The following FAM135B variants were observed in gnomAD, a reference collection of about 807,000 sequenced individuals.
FAM135B encodes family with sequence similarity 135 member B.
FAM135B carries 43 observed loss-of-function variants against 127.7 expected under a neutral mutation model. The ratio of observed to expected loss-of-function variants is 0.34; its 90% CI spans 0.26 to 0.43. FAM135B has a LOEUF of 0.43. Ranked by LOEUF, FAM135B falls within the 20% of genes least tolerant of loss-of-function variation. The pLI, the probability that FAM135B is intolerant of heterozygous loss-of-function variation, is 1.00. For synonymous variants in FAM135B, 670 were observed against 665.1 expected (o/e 1.01, Z -0.11); for missense variants, 1,558 against 1,725.6 (o/e 0.90, Z 1.72).
rs1033867791 is a variant in FAM135B at position 138,367,898 on chromosome 8, C to T, written c.77+9G>A. 6.3e-7 allele frequency: 1 copy of T among 1,586,514 alleles called. No homozygotes were observed. The highest frequency in any genetic ancestry group is 8.6e-7 in the Non-Finnish European group (1 of 1,157,092). Reference sequence around the variant, plus strand: ...ACACACACACACACAAATTGTAAAGCATACTTACCCTCTCTGAAAGAGATC... The same window carrying T: ...ACACACACACACACAAATTGTAAAGTATACTTACCCTCTCTGAAAGAGATC... On this transcript the variant is annotated intron_variant, in intron 2 of 19. Coordinates refer to ENST00000395297, the MANE Select transcript of FAM135B (RefSeq NM_015912.4).
chr8:138,256,919 T>C (rs1274510883), intron 4 of FAM135B, among the ~76,000 whole-genome samples, 160 bp from the exon 5 acceptor site: 3 of 152,232 alleles, frequency 2.0e-5, no homozygotes, highest in Non-Finnish European at 4.4e-5. Flanking sequence ...CATGGAGTTC[T>C]GGGTGAACAG....
At chr8:138,266,450 TAA>T (rs1822929293) in intron 3 of FAM135B, among the ~76,000 whole-genome samples, 1 of 152,028 alleles carries the variant, frequency 6.6e-6, no homozygotes, top group African/African-American at 2.4e-5. Context: ...ACTTCAAAGT[TAA>T]GTTATATTTC....
chr8:138,444,548 A>T (rs1253273775), intron 1 of FAM135B, among the ~76,000 whole-genome samples: 1 of 152,212 alleles, frequency 6.6e-6, no homozygotes, highest in Admixed American at 6.5e-5. Context: ...CTCCTGAATG[A>T]CTACTGGGTA....
chr8:138,137,889 C>T (rs1032268150), intron 18 of FAM135B, among the ~76,000 whole-genome samples: 5 of 152,282 alleles, frequency 3.3e-5, no homozygotes, highest in Non-Finnish European at 5.9e-5. Context: ...GCAGACTACC[C>T]GGACACTCCA....
At chr8:138,490,466 G>A (rs1330078832) in intron 1 of FAM135B, among the ~76,000 whole-genome samples, 1 of 152,180 alleles carries the variant, frequency 6.6e-6, no homozygotes, top group Non-Finnish European at 1.5e-5. Context: ...ATGCCTGGTT[G>A]GGAGAACAGA....
In FAM135B at chr8:138,496,798, T is replaced by A. The variant is rs1012804440; in HGVS notation, c.-147A>T. The A allele has an allele frequency of 6.6e-6, 1 of 150,930 alleles. No homozygotes were observed. Among genetic ancestry groups the A allele is most frequent in the Non-Finnish European group, 1.5e-5 (1 of 68,178 alleles). The allele number at this position is 150,930 out of a possible 1,614,324, so 9.3% of individuals were successfully genotyped here. A position where few individuals can be genotyped will look rare whatever the true frequency, so the allele number is the denominator to read the frequency against. On this transcript the variant is annotated 5_prime_UTR_variant, in exon 1 of 20. Coordinates refer to ENST00000395297, the MANE Select transcript of FAM135B (RefSeq NM_015912.4). Reference sequence around the variant, plus strand: ...CGGCGGCGGCGGGCGGACTGGGGAGTCCGCAGCACCTGCGAGCTGGTGTTG... The same window carrying A: ...CGGCGGCGGCGGGCGGACTGGGGAGACCGCAGCACCTGCGAGCTGGTGTTG...
intron 4 of FAM135B, among the ~76,000 whole-genome samples, chr8:138,259,804 GA>G (rs1224192694): frequency 6.6e-6 from 1 of 152,062 alleles, no homozygotes; most frequent in Non-Finnish European, 1.5e-5. Flanking sequence ...AGGTATTCCA[GA>G]CAAAAAAATC....
In FAM135B at chr8:138,242,331, G is replaced by A. The variant is rs6987434; in HGVS notation, c.669+611C>T. On this transcript the variant is annotated intron_variant, in intron 7 of 19. Coordinates refer to ENST00000395297, the MANE Select transcript of FAM135B (RefSeq NM_015912.4). This position sits in a 1 kb window ranked among gnomAD's most constrained non-coding sequence, Gnocchi z 9.6. ...GCATATACTGGCTTGGGAGAAATAT[G>A]AGCAGAATCATACCCTGTGTGGTTA... Among the ~76,000 whole-genome samples the A allele has an allele frequency of 0.19, 28,713 of 151,682 alleles. 2,815 individuals carry two copies. The highest frequency in any genetic ancestry group is 0.33 in the East Asian group (1,698 of 5,132).
At chr8:138,344,069 A>G (rs1829236295) in intron 2 of FAM135B, among the ~76,000 whole-genome samples, 1 of 152,192 alleles carries the variant, frequency 6.6e-6, no homozygotes, top group South Asian at 2.1e-4. Context: ...AGGGAGAGGC[A>G]GTGACAGGCA....
intron 2 of FAM135B, among the ~76,000 whole-genome samples, chr8:138,362,397 G>A (rs776891919): frequency 1.3e-5 from 2 of 151,130 alleles, no homozygotes; most frequent in South Asian, 2.1e-4. Context: ...GTGCACATGC[G>A]AGTCTTCACT....
intron 11 of FAM135B, among the ~76,000 whole-genome samples, chr8:138,170,519 G>C (rs367590296): frequency 6.6e-6 from 1 of 152,144 alleles, no homozygotes; most frequent in African/African-American, 2.4e-5. Context: ...ACCGCGCCCG[G>C]CCCACTATCT....
chr8:138,385,864 C>T (rs925457019), intron 1 of FAM135B, among the ~76,000 whole-genome samples: 12 of 152,020 alleles, frequency 7.9e-5, no homozygotes, highest in African/African-American at 2.7e-4. Flanking sequence ...TAGAAGGAAA[C>T]GGGCCAGACT....
chr8:138,386,306 T>C (rs1463445015), intron 1 of FAM135B, among the ~76,000 whole-genome samples: 1 of 151,956 alleles, frequency 6.6e-6, no homozygotes, highest in African/African-American at 2.4e-5. Context: ...AAAATATCCA[T>C]GTTTTTGTGG....
chr8:138,185,803 T>C (rs1029826916), intron 9 of FAM135B, among the ~76,000 whole-genome samples: 7 of 152,202 alleles, frequency 4.6e-5, no homozygotes, highest in African/African-American at 1.7e-4. Context: ...ACTCAGCATG[T>C]GTTGAACTTG....
intron 3 of FAM135B, among the ~76,000 whole-genome samples, chr8:138,268,846 A>C (rs529979160): frequency 6.6e-6 from 1 of 152,350 alleles, no homozygotes; most frequent in East Asian, 1.9e-4. Flanking sequence ...GGGTCCAATG[A>C]GAAGGTGTAG....
intron 2 of FAM135B, among the ~76,000 whole-genome samples, chr8:138,333,562 A>C (rs767237449): frequency 6.6e-6 from 1 of 152,138 alleles, no homozygotes; most frequent in Non-Finnish European, 1.5e-5. Flanking sequence ...TTTTCTAAAG[A>C]TAATACCACA....
chr8:138,199,581 A>C (rs1202434265), intron 7 of FAM135B, among the ~76,000 whole-genome samples: 1 of 152,158 alleles, frequency 6.6e-6, no homozygotes, highest in Non-Finnish European at 1.5e-5. Context: ...CCTATGTATT[A>C]GTTCGTTTTC....
chr8:138,367,376 C>T (rs1477805986), intron 2 of FAM135B: 1 of 456,080 alleles, frequency 2.2e-6, no homozygotes, highest in African/African-American at 2.0e-5. Context: ...TTACTGATAT[C>T]ACCTGCACGT....
intron 1 of FAM135B, among the ~76,000 whole-genome samples, chr8:138,461,594 C>T (rs1837120920): frequency 6.6e-6 from 1 of 152,154 alleles, no homozygotes. Context: ...GTAGAGCTAG[C>T]TATTTAGCAC....
Sources: gnomAD v4.1 joint callset for allele counts (sites outside exome capture counted in the v4.1 genomes callset) on GRCh38, gnomAD v4.1.1 for gene constraint, Gnocchi (gnomAD v3.1) non-coding constraint, MANE v1.5 for transcripts, NCBI Gene and HGNC (gene_info 2026-07-23, HGNC 2026-07-21) for gene names.